Variants in SLIT3 observed in about 807,000 individuals in gnomAD.
The protein encoded by SLIT3 is slit guidance ligand 3.
A neutral mutation model predicts 184.0 loss-of-function variants in SLIT3; 68 were observed. The observed-to-expected ratio is 0.37, with a 90% CI of 0.30 to 0.45. SLIT3 has a LOEUF of 0.45. Ranked by LOEUF, SLIT3 falls within the 20% of genes least tolerant of loss-of-function variation. The pLI is 1.00. For synonymous variants in SLIT3, 831 were observed against 828.6 expected (o/e 1.00, Z -0.05); for missense variants, 1,707 against 2,026.0 (o/e 0.84, Z 3.02).
intron 5 of SLIT3, among the ~76,000 whole-genome samples, chr5:168,850,105 GA>G (rs559087510): frequency 1.3e-4 from 19 of 151,928 alleles, no homozygotes; most frequent in Non-Finnish European, 2.5e-4. Context: ...CTGACAAAAG[GA>G]AAAAAATTAT....
chr5:168,742,285 T>G (rs912648925), intron 20 of SLIT3, among the ~76,000 whole-genome samples: 1 of 151,092 alleles, frequency 6.6e-6, no homozygotes, highest in Non-Finnish European at 1.5e-5. Flanking sequence ...TTCTACCTGC[T>G]TCCCCATCGC....
chr5:169,260,338 A>G (rs1157796749), intron 1 of SLIT3, among the ~76,000 whole-genome samples: 1 of 152,068 alleles, frequency 6.6e-6, no homozygotes, highest in East Asian at 1.9e-4. Flanking sequence ...TGCACTCACT[A>G]CGCTTTCCAC....
At chr5:168,737,531 T>C (rs1763478271) in intron 20 of SLIT3, among the ~76,000 whole-genome samples, 1 of 152,212 alleles carries the variant, frequency 6.6e-6, no homozygotes, top group Non-Finnish European at 1.5e-5. Context: ...CCCCGCATCC[T>C]AATACAAATC....
At chr5:168,726,729 T>C (rs1040344833) in intron 20 of SLIT3, among the ~76,000 whole-genome samples, 2 of 151,886 alleles carry the variant, frequency 1.3e-5, no homozygotes, top group African/African-American at 4.8e-5. Flanking sequence ...TCCCAATACT[T>C]TGGGAAGCCG....
chr5:168,970,179 T>TAAACAAACAAAC (rs56753863), intron 4 of SLIT3, among the ~76,000 whole-genome samples: 7 of 141,734 alleles, frequency 4.9e-5, no homozygotes, highest in Non-Finnish European at 7.7e-5. Flanking sequence ...AGACTCTGTC[T>TAAACAAACAAAC]AAACAAACAA....
chr5:169,266,291 G>A (rs1371323190), intron 1 of SLIT3, among the ~76,000 whole-genome samples: 5 of 152,176 alleles, frequency 3.3e-5, no homozygotes, highest in Admixed American at 6.5e-5. Context: ...TAGGGAATAC[G>A]GTATGGCAAG....
chr5:168,868,888 T>C (rs1292737487), intron 5 of SLIT3, among the ~76,000 whole-genome samples: 5 of 152,008 alleles, frequency 3.3e-5, no homozygotes, highest in Non-Finnish European at 7.4e-5. Flanking sequence ...GATCACCAGC[T>C]AGCAAAACAG....
At chr5:168,969,383 G>A (rs1018083631) in intron 4 of SLIT3, among the ~76,000 whole-genome samples, 1 of 152,186 alleles carries the variant, frequency 6.6e-6, no homozygotes, top group Non-Finnish European at 1.5e-5. Flanking sequence ...GCTGCCTACT[G>A]CCCGGGAGTC....
At chr5:169,187,543 T>TTTTC (rs1292879189) in intron 4 of SLIT3, among the ~76,000 whole-genome samples, 4 of 121,552 alleles carry the variant, frequency 3.3e-5, no homozygotes, top group African/African-American at 1.0e-4. Context: ...TTTCTTTTCT[T>TTTTC]TTTCTTTCTT....
intron 4 of SLIT3, among the ~76,000 whole-genome samples, chr5:169,008,012 CT>C (rs1755995046): frequency 6.6e-6 from 1 of 152,192 alleles, no homozygotes; most frequent in African/African-American, 2.4e-5. Flanking sequence ...GAACCGGACA[CT>C]TTCTTTTGGT....
intron 20 of SLIT3, among the ~76,000 whole-genome samples, chr5:168,743,163 C>A (rs955071630): frequency 6.6e-6 from 1 of 152,104 alleles, no homozygotes; most frequent in Admixed American, 6.6e-5. Flanking sequence ...GAGTCTGGGT[C>A]GCGTTCTGTC....
At position 168,795,661 on chromosome 5, in the gene SLIT3, T is replaced by A. The variant is rs1756541100; in HGVS notation, c.936-83A>T. ...TGAGGGCTACTGTGTTCTCTGGCCT[T>A]AAGGACAGGGAGGTCTTTTTTGTCA... On this transcript the variant is annotated intron_variant, in intron 9 of 35. Transcript: ENST00000519560. The A allele has an allele frequency of 3.5e-6, 4 of 1,133,812 alleles. No individual in the cohort carries two copies. The African/African-American group carries it at 4.6e-5, about 13-fold the overall frequency. 70.2% of individuals were successfully genotyped at this position (1,133,812 alleles called of 1,614,324 possible). A position where few individuals can be genotyped will look rare whatever the true frequency, so the allele number is the denominator to read the frequency against.
In SLIT3 at chr5:168,759,433, C is replaced by T. The variant is rs530792110; in HGVS notation, c.1685+1429G>A. ...CCTGTAATAAAACTGCTCTCACGCA[C>T]ATATGTCCTCTGTAAGACACATCAC... On this transcript the variant is annotated intron_variant, in intron 16 of 35. Coordinates refer to ENST00000519560, the MANE Select transcript of SLIT3 (RefSeq NM_003062.4). Among the ~76,000 whole-genome samples, 62 of 152,340 alleles carry T rather than the reference C, an allele frequency of 4.1e-4. 1 individual carries two copies. Among genetic ancestry groups the T allele is most frequent in the African/African-American group, 1.4e-3 (58 of 41,580 alleles).
chr5:168,718,510 G>A (rs924185061), intron 23 of SLIT3, among the ~76,000 whole-genome samples: 81 of 152,244 alleles, frequency 5.3e-4, no homozygotes, highest in Middle Eastern at 3.4e-3. Flanking sequence ...ATCAGGGAAT[G>A]CATGGATCCC....
chr5:169,046,771 T>C (rs775625501), intron 4 of SLIT3, among the ~76,000 whole-genome samples: 2 of 152,142 alleles, frequency 1.3e-5, no homozygotes, highest in Middle Eastern at 3.2e-3. Context: ...GCCCCATGTG[T>C]GTAAAATTAA....
rs1232368797 is a variant in SLIT3, at chr5:168,880,232, G to A, written c.485+3033C>T. Among the ~76,000 whole-genome samples, 10 of 152,196 alleles carry A rather than the reference G, an allele frequency of 6.6e-5. No homozygotes were observed. The East Asian group carries it at 1.9e-3, about 29-fold the overall frequency. ...CTTCTGCCACCTCCTCCTGTCCCCG[G>A]TTCCCCTTCCAGAACAAATGTTTTC... On this transcript the variant is annotated intron_variant, in intron 5 of 35. Transcript: ENST00000519560.
chr5:168,857,967 G>A (rs1013142731), intron 5 of SLIT3, among the ~76,000 whole-genome samples: 11 of 152,206 alleles, frequency 7.2e-5, no homozygotes, highest in Non-Finnish European at 1.5e-4. Flanking sequence ...GGCCACCGGG[G>A]ATCCTTCTAC....
chr5:168,821,176 C>T (rs1003955350), intron 7 of SLIT3, among the ~76,000 whole-genome samples: 1 of 152,200 alleles, frequency 6.6e-6, no homozygotes, highest in Admixed American at 6.5e-5. Context: ...TAGAAAAAAA[C>T]CCTCCTGTTC....
chr5:168,796,625 G>C (rs1482152235), intron 9 of SLIT3, among the ~76,000 whole-genome samples: 1 of 152,172 alleles, frequency 6.6e-6, no homozygotes, highest in African/African-American at 2.4e-5. Context: ...GGGGTAGATG[G>C]GAGGAACGGG....
Sources: allele counts gnomAD v4.1 joint callset (sites outside exome capture counted in the v4.1 genomes callset), GRCh38; gene constraint gnomAD v4.1.1; transcripts MANE v1.5; gene names NCBI Gene and HGNC (gene_info 2026-07-23, HGNC 2026-07-21).